The following GALNT18 variants were observed in gnomAD, a reference collection of about 807,000 sequenced individuals.
GALNT18 encodes the protein polypeptide N-acetylgalactosaminyltransferase 18, also known as GalNAc-transferase 18.
In GALNT18, 44 loss-of-function variants were observed where a neutral mutation model predicts 69.5. The ratio of observed to expected loss-of-function variants is 0.63; its 90% CI spans 0.50 to 0.81. The LOEUF is 0.81. Ranked by LOEUF, GALNT18 falls within the 40% of genes least tolerant of loss-of-function variation. The pLI is 0.00. For synonymous variants in GALNT18, 364 were observed against 318.2 expected, an observed-to-expected ratio of 1.14 and a Z score of -1.53; for missense variants, 715 against 810.0, an observed-to-expected ratio of 0.88 and a Z score of 1.42.
intron 3 of GALNT18, among the ~76,000 whole-genome samples, chr11:11,427,205 C>T (rs1042345853): frequency 1.3e-5 from 2 of 152,222 alleles, no homozygotes; most frequent in African/African-American, 2.4e-5. Context: ...GCTAAGGAGA[C>T]AGAGAACAGG....
chr11:11,290,337 C>G (rs1040612602), intron 10 of GALNT18, among the ~76,000 whole-genome samples: 1 of 152,214 alleles, frequency 6.6e-6, no homozygotes, highest in Non-Finnish European at 1.5e-5. Flanking sequence ...CTTTCCTTTT[C>G]TAGAATCTCT....
intron 1 of GALNT18, chr11:11,475,118 T>C (rs1456593942): frequency 2.0e-5 from 3 of 152,098 alleles, no homozygotes; most frequent in Non-Finnish European, 4.4e-5. Flanking sequence ...TTTCAGTATG[T>C]AGATTTCAAC....
intron 9 of GALNT18, among the ~76,000 whole-genome samples, chr11:11,325,985 T>A (rs1849910420): frequency 6.6e-6 from 1 of 152,192 alleles, no homozygotes; most frequent in East Asian, 1.9e-4. Flanking sequence ...AATAGCTCTT[T>A]TAAACCCTCT....
chr11:11,278,452 G>T (rs541571367), intron 10 of GALNT18, among the ~76,000 whole-genome samples: 1 of 151,808 alleles, frequency 6.6e-6, no homozygotes, highest in Non-Finnish European at 1.5e-5. Context: ...ACCATGGCAC[G>T]TGTATACCTC....
intron 9 of GALNT18, among the ~76,000 whole-genome samples, chr11:11,307,937 C>CG (rs1564889411): frequency 6.6e-6 from 1 of 152,182 alleles, no homozygotes; most frequent in Non-Finnish European, 1.5e-5. Context: ...TGGAAGTGGG[C>CG]GCTTTGTCCT....
At position 11,389,219 on chromosome 11, in the gene GALNT18, C is replaced by T. The variant is rs1489070180; in HGVS notation, c.596-9955G>A. On this transcript the variant is annotated intron_variant, in intron 3 of 10. Transcript: ENST00000227756. The surrounding 1 kb of genome is among the most constrained non-coding windows in gnomAD (Gnocchi z 4.3). ...CAGGATTCGAACTCAGGCCTGCTTG[C>T]CTCTGAAGACTTGGCTCTTTTCCAG... Among the ~76,000 whole-genome samples, 2 of 152,202 alleles carry T rather than the reference C, an allele frequency of 1.3e-5. No individual in the cohort carries two copies. The highest frequency in any genetic ancestry group is 2.9e-5 in the Non-Finnish European group (2 of 68,028).
Position 11,598,825 on chromosome 11 carries a change from C to A in GALNT18, c.235+22534G>T, listed in dbSNP as rs915139372. On this transcript the variant is annotated intron_variant, in intron 1 of 10. Coordinates refer to ENST00000227756, the MANE Select transcript of GALNT18 (RefSeq NM_198516.3). This position sits in a 1 kb window ranked among gnomAD's most constrained non-coding sequence, Gnocchi z 4.8. ...CACCTCAAAATAGTGTGCAATTTCC[C>A]TTTTCTTCTTCTATCCCTTGGTTAT... is the stretch of plus-strand genomic sequence containing the variant. Among the ~76,000 whole-genome samples the A allele has an allele frequency of 6.6e-6, 1 of 151,190 alleles. No individual in the cohort carries two copies. The highest frequency in any genetic ancestry group is 1.5e-5 in the Non-Finnish European group (1 of 67,950).
intron 5 of GALNT18, among the ~76,000 whole-genome samples, chr11:11,374,953 T>C (rs546565901): frequency 6.6e-6 from 1 of 152,374 alleles, no homozygotes; most frequent in Admixed American, 6.5e-5. Flanking sequence ...AGTTCTCATG[T>C]GAAAATGTCA....
In GALNT18 at chr11:11,415,384, A is replaced by G. The variant is rs1369743298; in HGVS notation, c.595+17237T>C. The stretch of plus-strand genomic sequence containing the variant: ...ATTCTGCCCACACAGTGATCAATAA[A>G]TAGTTGCCGAATGAGAAAATAACGT... On this transcript the variant is annotated intron_variant, in intron 3 of 10. Transcript: ENST00000227756. This position sits in a 1 kb window ranked among gnomAD's most constrained non-coding sequence, Gnocchi z 4.1. 6.6e-6 allele frequency among the ~76,000 whole-genome samples: 1 copy of G among 152,198 alleles called. No homozygotes were observed. The highest frequency in any genetic ancestry group is 2.4e-5 in the African/African-American group (1 of 41,452).
intron 7 of GALNT18, among the ~76,000 whole-genome samples, chr11:11,336,034 A>G (rs1850105779): frequency 1.3e-5 from 2 of 152,230 alleles, no homozygotes; most frequent in Admixed American, 1.3e-4. Context: ...AAAAGTGCCC[A>G]GTATTGCAGC....
chr11:11,271,846 GT>G (rs1848834928), intron 10 of GALNT18, among the ~76,000 whole-genome samples: 3 of 152,268 alleles, frequency 2.0e-5, no homozygotes, highest in African/African-American at 7.2e-5. Flanking sequence ...GTTCCAGAAT[GT>G]TTGTAGCCAT....
At chr11:11,330,793 G>A (rs184415965) in intron 8 of GALNT18, among the ~76,000 whole-genome samples, 1 of 152,300 alleles carries the variant, frequency 6.6e-6, no homozygotes, top group Admixed American at 6.5e-5. Context: ...CTTTTGCTTG[G>A]AGGATGAGAA....
At position 11,448,854 on chromosome 11, in the gene GALNT18, G is replaced by A; in HGVS notation, c.318C>T (p.Ser106=). ...SLFAHWGQEL[S]PEGRRVALKQ... The stretch of plus-strand genomic sequence containing the variant: ...TCAGGGCCACGCGCCGGCCTTCGGG[G>A]CTGAGCTCCTGGCCCCAGTGTGCAA... The change falls in exon 2 of 11, where the codon AGC becomes AGT. Residue 106 remains serine (S), a synonymous_variant. Transcript: ENST00000227756. The A allele has an allele frequency of 6.2e-7, 1 of 1,610,632 alleles. No homozygotes were observed. Among genetic ancestry groups the A allele is most frequent in the African/African-American group, 1.3e-5 (1 of 75,046 alleles).
intron 3 of GALNT18, among the ~76,000 whole-genome samples, chr11:11,380,611 T>TAA (rs1369691800): frequency 2.6e-5 from 4 of 152,186 alleles, no homozygotes; most frequent in Non-Finnish European, 4.4e-5. Context: ...AACATATACT[T>TAA]ACAAATTATT....
At chr11:11,275,448 A>T (rs111699689) in intron 10 of GALNT18, among the ~76,000 whole-genome samples, 5,056 of 150,432 alleles carry the variant, frequency 0.034, 276 homozygotes, top group African/African-American at 0.12. Context: ...CCTTTGTCAG[A>T]TGGACAGATT....
chr11:11,341,966 A>G lies in GALNT18; in HGVS notation c.1093-962T>C, dbSNP rs1426270182. On this transcript the variant is annotated intron_variant, in intron 6 of 10. Transcript: ENST00000227756. The surrounding 1 kb of genome is among the most constrained non-coding windows in gnomAD (Gnocchi z 6.3). ...GTGAGATCCTGTCTCTAAAACATTA[A>G]AATTTTTTTTTTTTTAAAAAGACCT... 1.5e-5 allele frequency among the ~76,000 whole-genome samples: 2 copies of G among 133,778 alleles called. No homozygotes were observed. Among genetic ancestry groups the G allele is most frequent in the Non-Finnish European group, 3.3e-5 (2 of 61,374 alleles). 87.8% of individuals were successfully genotyped at this position (133,778 alleles called of 152,430 possible).
intron 10 of GALNT18, among the ~76,000 whole-genome samples, chr11:11,285,642 T>C (rs538033535): frequency 2.6e-4 from 40 of 152,354 alleles, no homozygotes; most frequent in African/African-American, 8.9e-4. Flanking sequence ...TCATATGACA[T>C]GAAAGGCTGT....
intron 10 of GALNT18, among the ~76,000 whole-genome samples, chr11:11,273,310 G>T (rs1388171257): frequency 6.6e-6 from 1 of 152,124 alleles, no homozygotes; most frequent in African/African-American, 2.4e-5. Flanking sequence ...TCTGACAAGG[G>T]ATTAATAACC....
chr11:11,299,456 C>T (rs1480052066), intron 9 of GALNT18, among the ~76,000 whole-genome samples: 1 of 152,130 alleles, frequency 6.6e-6, no homozygotes, highest in Non-Finnish European at 1.5e-5. Flanking sequence ...CATTGTGTAT[C>T]TTTTATCCCT....
Sources: allele counts gnomAD v4.1 joint callset (sites outside exome capture counted in the v4.1 genomes callset), GRCh38; gene constraint gnomAD v4.1.1; non-coding constraint Gnocchi (gnomAD v3.1); transcripts MANE v1.5; gene names NCBI Gene and HGNC (gene_info 2026-07-23, HGNC 2026-07-21).